Variants in EYS observed in about 807,000 individuals in gnomAD.
EYS encodes the protein protein eyes shut homolog.
In EYS, 250 loss-of-function variants were observed where a neutral mutation model predicts 282.1. The observed-to-expected ratio is 0.89, with a 90% CI of 0.80 to 0.98. The LOEUF (loss-of-function observed/expected upper bound fraction) is 0.98. Ranked by LOEUF, EYS falls within the 50% of genes least tolerant of loss-of-function variation. The pLI is 0.00. For synonymous variants in EYS, 1,355 were observed against 1,282.9 expected, an observed-to-expected ratio of 1.06 and a Z score of -1.20; for missense variants, 4,016 against 3,709.0, an observed-to-expected ratio of 1.08 and a Z score of -2.15.
At chr6:63,902,364 G>C (rs1773678968) in intron 35 of EYS, among the ~76,000 whole-genome samples, 1 of 152,100 alleles carries the variant, frequency 6.6e-6, no homozygotes, top group Non-Finnish European at 1.5e-5. Context: ...TTTCTTGTTA[G>C]TAGAAATATT....
At chr6:64,798,909 C>T (rs1774447549) in intron 22 of EYS, among the ~76,000 whole-genome samples, 2 of 151,836 alleles carry the variant, frequency 1.3e-5, no homozygotes, top group Non-Finnish European at 2.9e-5. Flanking sequence ...TCTCTGGATC[C>T]TACCCTGTCT....
chr6:65,484,158 T>C (rs956987475), intron 5 of EYS, among the ~76,000 whole-genome samples: 1 of 152,010 alleles, frequency 6.6e-6, no homozygotes, highest in Non-Finnish European at 1.5e-5. Flanking sequence ...AACCCTATTA[T>C]AGTTACCAAA....
intron 8 of EYS, among the ~76,000 whole-genome samples, chr6:65,375,367 G>A (rs1244222718): frequency 6.6e-6 from 1 of 152,020 alleles, no homozygotes; most frequent in African/African-American, 2.4e-5. Flanking sequence ...CCCACACACA[G>A]AAACCCCATC....
At position 63,721,273 on chromosome 6, in the gene EYS, G is replaced by T. The variant is rs760453601; in HGVS notation, c.8758C>A (p.Leu2920Ile). 2.6e-6 allele frequency: 4 copies of T among 1,551,930 alleles called. No individual in the cohort carries two copies. In the South Asian group the frequency reaches 3.6e-5, roughly 14 times the overall value. The stretch of plus-strand genomic sequence containing the variant: ...ATACATAAAGATTGGTGGAGGCAAA[G>T]ATTATTCAAACAGGACACAGACTGG... ...CNQSVSCLNN[L>I]CLHQSLCIPD... The change falls in exon 43 of 43, where the codon CTT becomes ATT. Residue 2920 changes from leucine (L) to isoleucine (I), a missense_variant. Physicochemically the swap from Leu to Ile is conservative, Grantham distance 5 (BLOSUM62 2). Coordinates refer to ENST00000503581, the MANE Select transcript of EYS (RefSeq NM_001142800.2).
At chr6:65,574,135 T>C (rs576397442) in intron 2 of EYS, among the ~76,000 whole-genome samples, 2 of 152,300 alleles carry the variant, frequency 1.3e-5, no homozygotes, top group South Asian at 4.1e-4. Flanking sequence ...TTCTCATTCT[T>C]TAGTCCTCAG....
intron 29 of EYS, among the ~76,000 whole-genome samples, chr6:64,335,166 A>C (rs1770794120): frequency 6.6e-6 from 1 of 152,152 alleles, no homozygotes; most frequent in Admixed American, 6.6e-5. Context: ...AGAAGGAATT[A>C]ATGAAATCAA....
chr6:64,478,018 C>A (rs1776326284), intron 26 of EYS, among the ~76,000 whole-genome samples: 1 of 151,958 alleles, frequency 6.6e-6, no homozygotes, highest in African/African-American at 2.4e-5. Flanking sequence ...GCACTATGTA[C>A]CATTATTATG....
chr6:64,108,934 C>T (rs1773118752), intron 31 of EYS, among the ~76,000 whole-genome samples: 1 of 151,998 alleles, frequency 6.6e-6, no homozygotes, highest in Non-Finnish European at 1.5e-5. Flanking sequence ...CTATGGTTAC[C>T]CCCTTTTACA....
Position 64,344,456 on chromosome 6 carries a change from C to T in EYS, c.6079-37374G>A, listed in dbSNP as rs960510035. The stretch of plus-strand genomic sequence containing the variant: ...ATATAAACAGAACCAAAGACAAAAA[C>T]CACATGATTATCTCAATAGATGCAG... On this transcript the variant is annotated intron_variant, in intron 29 of 42. Transcript: ENST00000503581. 3.3e-5 allele frequency among the ~76,000 whole-genome samples: 5 copies of T among 151,970 alleles called. No individual in the cohort carries two copies. In the South Asian group the frequency reaches 1.0e-3, roughly 32 times the overall value.
At chr6:65,512,785 A>G (rs1024516906) in intron 2 of EYS, among the ~76,000 whole-genome samples, 1 of 152,158 alleles carries the variant, frequency 6.6e-6, no homozygotes, top group Non-Finnish European at 1.5e-5. Flanking sequence ...GACACATTCA[A>G]AGCAGTGTGT....
At chr6:65,685,880 C>G (rs1010849128) in intron 1 of EYS, among the ~76,000 whole-genome samples, 7 of 151,976 alleles carry the variant, frequency 4.6e-5, no homozygotes, top group Non-Finnish European at 1.0e-4. Context: ...ATATTCTAAA[C>G]ATTAAATTCA....
chr6:65,404,515 G>A (rs142502271), intron 6 of EYS, among the ~76,000 whole-genome samples: 1 of 151,882 alleles, frequency 6.6e-6, no homozygotes, highest in African/African-American at 2.4e-5. Flanking sequence ...CTTTGCCCTT[G>A]TATCTCCAAA....
At chr6:65,364,166 A>AT (rs915756141) in intron 8 of EYS, among the ~76,000 whole-genome samples, 5 of 150,214 alleles carry the variant, frequency 3.3e-5, no homozygotes, top group Non-Finnish European at 7.4e-5. Context: ...ACATCATTTG[A>AT]TTTTGTCTTT....
chr6:64,665,226 G>C (rs1769187650), intron 22 of EYS, among the ~76,000 whole-genome samples: 1 of 152,128 alleles, frequency 6.6e-6, no homozygotes, highest in Non-Finnish European at 1.5e-5. Flanking sequence ...TCACATATGT[G>C]TTTTAAATAA....
chr6:65,214,459 G>T (rs940371416), intron 12 of EYS, among the ~76,000 whole-genome samples: 1 of 152,200 alleles, frequency 6.6e-6, no homozygotes, highest in Non-Finnish European at 1.5e-5. Context: ...CGGGAGAGAG[G>T]TGAGGAAGCT....
chr6:65,368,987 TA>T (rs796223268), intron 8 of EYS, among the ~76,000 whole-genome samples: 23 of 151,528 alleles, frequency 1.5e-4, no homozygotes, highest in African/African-American at 5.5e-4. Flanking sequence ...TTGATTTTGT[TA>T]TTTTATGCTT....
intron 22 of EYS, among the ~76,000 whole-genome samples, chr6:64,734,229 G>A (rs928153595): frequency 6.6e-6 from 1 of 151,698 alleles, no homozygotes; most frequent in African/African-American, 2.4e-5. Context: ...GCTTTGTTGA[G>A]GACTAAAGCG....
chr6:64,105,740 C>T (rs1772988189), intron 31 of EYS, among the ~76,000 whole-genome samples: 1 of 152,102 alleles, frequency 6.6e-6, no homozygotes, highest in South Asian at 2.1e-4. Flanking sequence ...TAAGTTTCCT[C>T]CATGTTCTTT....
At chr6:63,870,860 C>T (rs993679905) in intron 35 of EYS, among the ~76,000 whole-genome samples, 21 of 152,154 alleles carry the variant, frequency 1.4e-4, no homozygotes, top group Admixed American at 1.2e-3. Context: ...AAGTTAGGTG[C>T]ACAGTTGTAA....
Sources: allele counts gnomAD v4.1 joint callset (sites outside exome capture counted in the v4.1 genomes callset), GRCh38; gene constraint gnomAD v4.1.1; transcripts MANE v1.5; gene names NCBI Gene and HGNC (gene_info 2026-07-23, HGNC 2026-07-21).